The following HOXD13 variants were observed in gnomAD, a reference collection of about 807,000 sequenced individuals.
HOXD13 encodes the protein homeobox D13.
A neutral mutation model predicts 27.3 loss-of-function variants in HOXD13; 16 were observed. That is an observed-to-expected ratio of 0.59 (90% CI 0.40 to 0.89). HOXD13 has a LOEUF of 0.89. Among genes scored for constraint, HOXD13 ranks in the 40% least tolerant of loss-of-function variants. The probability of loss-of-function intolerance (pLI) is 0.00; values close to 1 mark genes in which losing one functional copy is unlikely to be tolerated. For missense variants in HOXD13, 481 were observed against 482.6 expected, an observed-to-expected ratio of 1.00 and a Z score of 0.03; for synonymous variants, 241 against 219.0, an observed-to-expected ratio of 1.10 and a Z score of -0.89.
chr2:176,088,407 C>A (rs963384715), upstream of HOXD13, among the ~76,000 whole-genome samples: 3 of 152,220 alleles, frequency 2.0e-5, no homozygotes, highest in Non-Finnish European at 4.4e-5. Context: ...TTCCTGGGCT[C>A]GGTCTACGCA....
rs1359260892 is a variant in HOXD13, at chr2:176,092,993, G to T, written c.103G>T (p.Ala35Ser). 3 of 1,354,050 alleles carry T rather than the reference G, an allele frequency of 2.2e-6. No homozygotes were observed. Among genetic ancestry groups the T allele is most frequent in the Admixed American group, 3.4e-5 (1 of 29,842 alleles). The allele number at this position is 1,354,050 out of a possible 1,614,324, so 83.9% of individuals were successfully genotyped here. ...SSSSSSVAAA[A>S]ASGQCRGFLS... ...CTCCTCCTCATCGGTGGCGGCGGCG[G>T]CGGCGTCAGGCCAGTGCCGCGGCTT... Residue 35 changes from alanine (A) to serine (S), a missense_variant, in exon 1 of 2, where the codon GCG becomes TCG. Physicochemically the swap from Ala to Ser is moderately conservative, Grantham distance 99. Transcript: ENST00000392539.
upstream of HOXD13, among the ~76,000 whole-genome samples, chr2:176,092,359 G>C (rs532408282): frequency 7.9e-5 from 12 of 152,272 alleles, no homozygotes; most frequent in Admixed American, 6.5e-4. Flanking sequence ...AAAAACAGCG[G>C]TTGCCGAGAC....
In HOXD13 at chr2:176,094,889, C is replaced by A; in HGVS notation, c.*159C>A. On this transcript the variant is annotated 3_prime_UTR_variant, in exon 2 of 2. Coordinates refer to ENST00000392539, the MANE Select transcript of HOXD13 (RefSeq NM_000523.4). ...CTCTTCCCCTTATCTGGCTCTAAAACCTTCTGCTGCCCAACCTGACTTTGT... is the reference window on the plus strand; with the variant it reads ...CTCTTCCCCTTATCTGGCTCTAAAAACTTCTGCTGCCCAACCTGACTTTGT... 1.6e-6 allele frequency: 1 copy of A among 639,966 alleles called. No homozygotes were observed. Among genetic ancestry groups the A allele is most frequent in the Non-Finnish European group, 2.8e-6 (1 of 356,692 alleles). The allele number at this position is 639,966 out of a possible 1,614,324, so 39.6% of individuals were successfully genotyped here.
intron 1 of HOXD13, 35 bp downstream of exon 1, chr2:176,093,706 G>C: frequency 1.5e-6 from 2 of 1,370,418 alleles, no homozygotes; most frequent in Non-Finnish European, 2.0e-6. Context: ...CGACACGAGG[G>C]AGGGGGAGAG....
Position 176,094,480 on chromosome 2 carries a change from G to C in HOXD13, c.782G>C (p.Gly261Ala), listed in dbSNP as rs1559108686. The change falls in exon 2 of 2, where the codon GGG becomes GCG. Residue 261 changes from glycine to alanine, a missense_variant and splice_region_variant. Transcript: ENST00000392539. Reference sequence around the variant, plus strand: ...TTTCTTGTGCTTTTGTTTGTATCAGGGGATGTGGCTCTAAATCAGCCGGAC... The same window carrying C: ...TTTCTTGTGCTTTTGTTTGTATCAGCGGATGTGGCTCTAAATCAGCCGGAC... ...GSHFWKSSFP[G>A]DVALNQPDMC... 1 of 1,613,748 alleles carries C rather than the reference G, an allele frequency of 6.2e-7. No individual in the cohort carries two copies. Among genetic ancestry groups the C allele is most frequent in the Admixed American group, 1.7e-5 (1 of 59,976 alleles).
chr2:176,094,117 T>C (rs1689375880), intron 1 of HOXD13, among the ~76,000 whole-genome samples: 1 of 152,202 alleles, frequency 6.6e-6, no homozygotes, highest in South Asian at 2.1e-4. Context: ...GCAAAAGACC[T>C]GAGTTGGTAT....
chr2:176,089,238 T>C (rs1689287735), upstream of HOXD13, among the ~76,000 whole-genome samples: 1 of 152,190 alleles, frequency 6.6e-6, no homozygotes, highest in Non-Finnish European at 1.5e-5. Context: ...TTTTGATATC[T>C]CCAGGCTGAG....
chr2:176,090,823 C>T (rs921147487), upstream of HOXD13, among the ~76,000 whole-genome samples: 1 of 152,194 alleles, frequency 6.6e-6, no homozygotes, highest in Non-Finnish European at 1.5e-5. Context: ...TTCATAAAGA[C>T]CCAGCCAAAC....
chr2:176,090,352 G>A (rs369005180), upstream of HOXD13, among the ~76,000 whole-genome samples: 11 of 152,216 alleles, frequency 7.2e-5, no homozygotes, highest in East Asian at 3.8e-4. Flanking sequence ...CTCTGAGAGG[G>A]TCCCACAGGG....
chr2:176,092,667 G>A (rs902902580), upstream of HOXD13, among the ~76,000 whole-genome samples: 1 of 152,124 alleles, frequency 6.6e-6, no homozygotes, highest in Admixed American at 6.5e-5. Flanking sequence ...ACCGGCCCAG[G>A]CCCCCTCCCA....
At chr2:176,094,292 C>A (rs1267104857) in intron 1 of HOXD13, among the ~76,000 whole-genome samples, 188 bp from the exon 2 acceptor site, 1 of 152,008 alleles carries the variant, frequency 6.6e-6, no homozygotes, top group East Asian at 1.9e-4. Flanking sequence ...TGCAAATAAT[C>A]CTTCTTTAAT....
upstream of HOXD13, among the ~76,000 whole-genome samples, chr2:176,088,198 C>T (rs66508389): frequency 0.36 from 54,853 of 152,232 alleles, 12,581 homozygotes; most frequent in African/African-American, 0.66. Flanking sequence ...TCCCTGTCTT[C>T]AGGCGAAGTG....
At chr2:176,090,483 T>C (rs1300665834), upstream of HOXD13, among the ~76,000 whole-genome samples, 1 of 152,270 alleles carries the variant, frequency 6.6e-6, no homozygotes, top group Non-Finnish European at 1.5e-5. Flanking sequence ...AGTGATGGGC[T>C]GCTTGAAATC....
At chr2:176,090,165 A>G (rs1386017039), upstream of HOXD13, among the ~76,000 whole-genome samples, 1 of 152,266 alleles carries the variant, frequency 6.6e-6, no homozygotes, top group Non-Finnish European at 1.5e-5. Flanking sequence ...TTTGGAGCCC[A>G]AGTGGACAAA....
Position 176,093,680 on chromosome 2 carries a change from G to A in HOXD13, c.781+9G>A, listed in dbSNP as rs754874846. On this transcript the variant is annotated intron_variant, in intron 1 of 1. Transcript: ENST00000392539. ...GAAATCTTCCTTTCCAGGTAGGGGC[G>A]ATGGAGAAAAGGGACCGACACGAGG... 28 of 1,560,096 alleles carry A rather than the reference G, an allele frequency of 1.8e-5. No homozygotes were observed. In the East Asian group the frequency reaches 5.2e-4, roughly 29 times the overall value.
chr2:176,088,057 G>A (rs1378419130), upstream of HOXD13, among the ~76,000 whole-genome samples: 1 of 152,268 alleles, frequency 6.6e-6, no homozygotes, highest in Non-Finnish European at 1.5e-5. Flanking sequence ...CTCCTCTTAC[G>A]CGGGGGGCTG....
rs770226826 is a variant in HOXD13 at position 176,094,621 on chromosome 2, G to A, written c.923G>A (p.Arg308His). 2.0e-5 allele frequency: 32 copies of A among 1,613,958 alleles called. No individual in the cohort carries two copies. Among genetic ancestry groups the A allele is most frequent in the Admixed American group, 5.0e-5 (3 of 60,006 alleles). The change falls in exon 2 of 2, where the codon CGT (arginine) becomes CAT (histidine). Residue 308 changes from arginine (R) to histidine (H), a missense_variant. Arg to His is a conservative substitution (Grantham distance 29). Coordinates refer to ENST00000392539, the MANE Select transcript of HOXD13 (RefSeq NM_000523.4). ...NKFINKDKRR[R>H]ISAATNLSER... ...TTCATTAACAAGGACAAGCGGCGGC[G>A]TATCTCGGCTGCTACGAACCTATCT...
upstream of HOXD13, among the ~76,000 whole-genome samples, chr2:176,090,036 T>C (rs1041454389): frequency 2.0e-5 from 3 of 152,234 alleles, no homozygotes; most frequent in Non-Finnish European, 2.9e-5. Context: ...CTCCTCTACC[T>C]GGCATCCCTG....
rs983195300 is a variant in HOXD13 at position 176,094,888 on chromosome 2, A to C, written c.*158A>C. 3.1e-6 allele frequency: 2 copies of C among 647,228 alleles called. No homozygotes were observed. The highest frequency in any genetic ancestry group is 3.7e-5 in the South Asian group (2 of 54,244). 40.1% of individuals were successfully genotyped at this position (647,228 alleles called of 1,614,324 possible). A position where few individuals can be genotyped will look rare whatever the true frequency, so the allele number is the denominator to read the frequency against. On this transcript the variant is annotated 3_prime_UTR_variant, in exon 2 of 2. Coordinates refer to ENST00000392539, the MANE Select transcript of HOXD13 (RefSeq NM_000523.4). ...TCTCTTCCCCTTATCTGGCTCTAAA[A>C]CCTTCTGCTGCCCAACCTGACTTTG...
Sources: allele counts gnomAD v4.1 joint callset (sites outside exome capture counted in the v4.1 genomes callset), GRCh38; gene constraint gnomAD v4.1.1; transcripts MANE v1.5; gene names NCBI Gene and HGNC (gene_info 2026-07-23, HGNC 2026-07-21).